The following CLPTM1L variants were observed in gnomAD, a reference collection of about 807,000 sequenced individuals.
CLPTM1L encodes CLPTM1 like.
CLPTM1L carries 38 observed loss-of-function variants against 70.9 expected under a neutral mutation model. The ratio of observed to expected loss-of-function variants is 0.54; its 90% confidence interval spans 0.41 to 0.70. The LOEUF (loss-of-function observed/expected upper bound fraction) is 0.70, where lower values mean the gene tolerates loss of function less well. Ranked by LOEUF, CLPTM1L falls within the 30% of genes least tolerant of loss-of-function variation. CLPTM1L has a pLI of 0.00. For synonymous variants in CLPTM1L, 339 were observed against 299.9 expected (o/e 1.13, Z -1.35); for missense variants, 652 against 705.9 (o/e 0.92, Z 0.87).
rs991749845 is a variant in CLPTM1L, at chr5:1,326,071, G to A, written c.1081-255C>T. ...GCGGACAACAAAAACAGCATGTGAG[G>A]GCAGTTCTTTACGCCACTCTGCCTG... is the stretch of plus-strand genomic sequence containing the variant. On this transcript the variant is annotated intron_variant, in intron 9 of 16. Coordinates refer to ENST00000320895, the MANE Select transcript of CLPTM1L (RefSeq NM_030782.5). 7 of 513,516 alleles carry A rather than the reference G, an allele frequency of 1.4e-5. No individual in the cohort carries two copies. In the South Asian group the frequency reaches 1.9e-4, roughly 14 times the overall value. The allele number at this position is 513,516 out of a possible 1,614,324, so 31.8% of individuals were successfully genotyped here. A position where few individuals can be genotyped will look rare whatever the true frequency, so the allele number is the denominator to read the frequency against.
chr5:1,323,039 A>T (rs960933357), intron 12 of CLPTM1L, 128 bp from the exon 13 acceptor site: 16 of 893,122 alleles, frequency 1.8e-5, no homozygotes, highest in Non-Finnish European at 2.9e-5. Context: ...GCAGCTCGGC[A>T]GCCAAGAGCA....
intron 5 of CLPTM1L, among the ~76,000 whole-genome samples, chr5:1,335,694 C>G (rs1413315870): frequency 1.3e-5 from 2 of 152,234 alleles, no homozygotes; most frequent in African/African-American, 4.8e-5. Context: ...GCAAAGCTAG[C>G]AGGGGCAGTA....
At chr5:1,336,016 G>A (rs973791462) in intron 5 of CLPTM1L, among the ~76,000 whole-genome samples, 3 of 152,250 alleles carry the variant, frequency 2.0e-5, no homozygotes, top group Admixed American at 6.5e-5. Flanking sequence ...CTGCTATGGC[G>A]GGCACTGCTG....
chr5:1,328,921 GCTC>G (rs1561237614), intron 9 of CLPTM1L, among the ~76,000 whole-genome samples: 2 of 150,782 alleles, frequency 1.3e-5, no homozygotes, highest in Non-Finnish European at 2.9e-5. Flanking sequence ...ATTTCATCCA[GCTC>G]CTCCTCTACA....
At position 1,320,722 on chromosome 5, in the gene CLPTM1L, T is replaced by C; in HGVS notation, c.1426A>G (p.Thr476Ala). 1 of 1,540,724 alleles carries C rather than the reference T, an allele frequency of 6.5e-7. No individual in the cohort carries two copies. The highest frequency in any genetic ancestry group is 8.8e-7 in the Non-Finnish European group (1 of 1,139,116). Residue 476 changes from threonine to alanine, a missense_variant, in exon 16 of 17, where the codon ACC becomes GCC. Thr to Ala is a moderately conservative substitution (Grantham distance 58). Coordinates refer to ENST00000320895, the MANE Select transcript of CLPTM1L (RefSeq NM_030782.5). ...AAGGCAAAGACGTCATCAATGAAGG[T>C]GTTGAAAGCCTGCAGGGCCAGACGG... ...WKAFTYKAFN[T>A]FIDDVFAFII...
intron 9 of CLPTM1L, 67 bp downstream of exon 9, chr5:1,330,213 A>C: frequency 7.4e-7 from 1 of 1,348,080 alleles, no homozygotes; most frequent in Non-Finnish European, 1.1e-6. Context: ...CCCGGGGCTG[A>C]AAGCCTTTCC....
intron 9 of CLPTM1L, among the ~76,000 whole-genome samples, chr5:1,326,728 GGGGACATTTCATCCAGCTCCTCCTCTACA>G (rs1561234057): frequency 1.4e-3 from 100 of 73,432 alleles, no homozygotes; most frequent in African/African-American, 4.5e-3. Flanking sequence ...CCTCCTCTAC[GGGGACATTTCATCCAGCTCCTCCTCTACA>G]GGGACAATCC....
At position 1,334,874 on chromosome 5, in the gene CLPTM1L, C is replaced by G. The variant is rs535649920; in HGVS notation, c.796+183G>C. ...GTTCTTAATAAAGCCAATTTCCAGA[C>G]AATCAACCAGGTCATCTCCAAGGAG... On this transcript the variant is annotated intron_variant, in intron 6 of 16. Coordinates refer to ENST00000320895, the MANE Select transcript of CLPTM1L (RefSeq NM_030782.5). Among the ~76,000 whole-genome samples the G allele has an allele frequency of 1.8e-3, 279 of 152,384 alleles. 2 individuals are homozygous for G. The highest frequency in any genetic ancestry group is 6.4e-3 in the African/African-American group (267 of 41,594).
At chr5:1,334,819 T>A (rs1454284759) in intron 6 of CLPTM1L, among the ~76,000 whole-genome samples, 1 of 152,252 alleles carries the variant, frequency 6.6e-6, no homozygotes, top group African/African-American at 2.4e-5. Context: ...AAGGTTCATT[T>A]GACCAAACTC....
rs955324644 is a variant in CLPTM1L at position 1,344,923 on chromosome 5, G to C, written c.-82C>G. 7 of 823,016 alleles carry C rather than the reference G, an allele frequency of 8.5e-6. No homozygotes were observed. Among genetic ancestry groups the C allele is most frequent in the Non-Finnish European group, 1.0e-5 (7 of 687,372 alleles). The allele number at this position is 823,016 out of a possible 1,614,324, so 51.0% of individuals were successfully genotyped here. On this transcript the variant is annotated 5_prime_UTR_variant, in exon 1 of 17. Transcript: ENST00000320895. The stretch of plus-strand genomic sequence containing the variant: ...CGCCCGGCGCCCAGCCCGCCGCTCC[G>C]GGCTCCGCCGCTCACTGGAGAGCCG...
chr5:1,325,209 AC>A (rs1561232012), intron 10 of CLPTM1L: 16 of 266,960 alleles, frequency 6.0e-5, no homozygotes, highest in Middle Eastern at 1.2e-3. Flanking sequence ...GGGCTTCCTG[AC>A]CCCCCTGCCC....
intron 3 of CLPTM1L, 66 bp from the exon 4 acceptor site, chr5:1,339,071 G>T: frequency 6.4e-7 from 1 of 1,558,384 alleles, no homozygotes. Flanking sequence ...AGCAGGGTCA[G>T]CCCCCTAACC....
At chr5:1,343,849 G>A (rs1256266384) in intron 2 of CLPTM1L, among the ~76,000 whole-genome samples, 1 of 152,174 alleles carries the variant, frequency 6.6e-6, no homozygotes, top group Admixed American at 6.5e-5. Context: ...AAAAAAATTA[G>A]GCCATGTCAG....
chr5:1,321,957 G>C (rs769298018), intron 13 of CLPTM1L, 138 bp from the exon 14 acceptor site: 2 of 760,316 alleles, frequency 2.6e-6, no homozygotes, highest in East Asian at 5.3e-5. Context: ...CTGCTATCCA[G>C]ACAACTTCAG....
rs141149378 is a variant in CLPTM1L, at chr5:1,344,404, G to A, written c.210C>T (p.Asn70=). 90 of 1,613,866 alleles carry A rather than the reference G, an allele frequency of 5.6e-5. No homozygotes were observed. The African/African-American group carries it at 1.0e-3, about 18-fold the overall frequency. ...CTTCCACATTCAAGACCAGGTCGAT[G>A]TTGTTCTCAGCACCCAGGTGGGACC... is the stretch of plus-strand genomic sequence containing the variant. ...TTRSHLGAEN[N]IDLVLNVEDF... The change falls in exon 2 of 17, where the codon AAC becomes AAT. Residue 70 remains asparagine, a synonymous_variant. Coordinates refer to ENST00000320895, the MANE Select transcript of CLPTM1L (RefSeq NM_030782.5).
chr5:1,321,512 T>C, intron 15 of CLPTM1L, 123 bp downstream of exon 15: 1 of 850,764 alleles, frequency 1.2e-6, no homozygotes, highest in Non-Finnish European at 2.0e-6. Context: ...TATTCTTCAA[T>C]GAAAGGGACA....
At chr5:1,343,896 G>C (rs569225691) in intron 2 of CLPTM1L, among the ~76,000 whole-genome samples, 51 of 152,326 alleles carry the variant, frequency 3.3e-4, no homozygotes, top group African/African-American at 1.1e-3. Context: ...TTTGGACATT[G>C]ATCTATTCTA....
At chr5:1,334,758 C>G (rs1753450829) in intron 6 of CLPTM1L, among the ~76,000 whole-genome samples, 1 of 149,538 alleles carries the variant, frequency 6.7e-6, no homozygotes. Context: ...TGTCTCAAAA[C>G]AAACAAACAA....
chr5:1,333,340 T>A (rs558872226), intron 7 of CLPTM1L, among the ~76,000 whole-genome samples: 1 of 112,390 alleles, frequency 8.9e-6, no homozygotes, highest in Admixed American at 1.2e-4. Context: ...GACTATTGTA[T>A]ACACACCACA....
Sources: gnomAD v4.1 joint callset for allele counts (sites outside exome capture counted in the v4.1 genomes callset) on GRCh38, gnomAD v4.1.1 for gene constraint, MANE v1.5 for transcripts, NCBI Gene and HGNC (gene_info 2026-07-23, HGNC 2026-07-21) for gene names.